SLC9C1: variants seen among roughly 807,000 people sequenced by gnomAD.
SLC9C1 encodes solute carrier family 9 member C1, also known as sodium/hydrogen exchanger 10.
A neutral mutation model predicts 140.9 loss-of-function variants in SLC9C1; 97 were observed. The ratio of observed to expected loss-of-function variants is 0.69; its 90% CI spans 0.58 to 0.82. SLC9C1 has a LOEUF of 0.82. Ranked by LOEUF, SLC9C1 falls within the 40% of genes least tolerant of loss-of-function variation. SLC9C1 has a pLI of 0.00. For synonymous variants in SLC9C1, 440 were observed against 442.6 expected, an observed-to-expected ratio of 0.99 and a Z score of 0.07; for missense variants, 1,340 against 1,389.3, an observed-to-expected ratio of 0.96 and a Z score of 0.56.
intron 27 of SLC9C1, among the ~76,000 whole-genome samples, chr3:112,152,313 G>A (rs556439247): frequency 6.6e-6 from 1 of 152,160 alleles, no homozygotes; most frequent in Non-Finnish European, 1.5e-5. Context: ...TTAAGGAAAG[G>A]TGCTGTGCCT....
chr3:112,274,443 G>C (rs1308459990), intron 6 of SLC9C1, among the ~76,000 whole-genome samples: 2 of 152,046 alleles, frequency 1.3e-5, no homozygotes, highest in Non-Finnish European at 2.9e-5. Flanking sequence ...ACTATTCTCT[G>C]GCCCTGTAGA....
intron 25 of SLC9C1, among the ~76,000 whole-genome samples, chr3:112,168,454 C>T (rs1010923220): frequency 9.9e-5 from 15 of 152,108 alleles, no homozygotes; most frequent in African/African-American, 3.4e-4. Context: ...AAGACATTCA[C>T]TTTCAAAGCA....
intron 13 of SLC9C1, among the ~76,000 whole-genome samples, chr3:112,229,476 C>T (rs181236800): frequency 1.3e-5 from 2 of 152,016 alleles, no homozygotes; most frequent in East Asian, 1.9e-4. Context: ...ATTAAAACAA[C>T]AGCAATAAAA....
chr3:112,293,067 G>A (rs1433946598), intron 1 of SLC9C1, among the ~76,000 whole-genome samples: 1 of 146,320 alleles, frequency 6.8e-6, no homozygotes, highest in Non-Finnish European at 1.5e-5. Flanking sequence ...TCAGGAGTTC[G>A]AGACTAGCCT....
At chr3:112,231,975 G>A (rs1208775153) in intron 12 of SLC9C1, among the ~76,000 whole-genome samples, 1 of 152,120 alleles carries the variant, frequency 6.6e-6, no homozygotes, top group Non-Finnish European at 1.5e-5. Flanking sequence ...GATACTTAAT[G>A]TAAAATAGAA....
rs2077984362 is a variant in SLC9C1, at chr3:112,204,288, A to G, written c.2102T>C (p.Ile701Thr). The change falls in exon 17 of 29, where the codon ATT becomes ACT. Residue 701 changes from isoleucine to threonine, a missense_variant. Physicochemically the swap from Ile to Thr is moderately conservative, Grantham distance 89 (BLOSUM62 -1). Coordinates refer to ENST00000305815, the MANE Select transcript of SLC9C1 (RefSeq NM_183061.3). ...ILIEIDTIKY[I>T]FNETEVIVFI... ...GACTATTACTTCAGTCTCATTAAAAATATACTTAATGGTGTCTATTTCAAT... is the reference window on the plus strand; with the variant it reads ...GACTATTACTTCAGTCTCATTAAAAGTATACTTAATGGTGTCTATTTCAAT... The G allele has an allele frequency of 6.4e-7, 1 of 1,555,996 alleles. No homozygotes were observed. The highest frequency in any genetic ancestry group is 1.4e-5 in the African/African-American group (1 of 71,298).
chr3:112,266,422 A>G, intron 7 of SLC9C1, 82 bp from the exon 8 acceptor site: 1 of 1,069,792 alleles, frequency 9.3e-7, no homozygotes, highest in Non-Finnish European at 1.3e-6. Context: ...AAAGTATCAG[A>G]TGTTGTGACA....
intron 1 of SLC9C1, among the ~76,000 whole-genome samples, chr3:112,293,573 A>G (rs1193470843): frequency 6.6e-6 from 1 of 152,162 alleles, no homozygotes; most frequent in Non-Finnish European, 1.5e-5. Context: ...CTCATGCTTA[A>G]TGGTTTATTT....
chr3:112,160,084 G>A (rs1333287855), intron 26 of SLC9C1, among the ~76,000 whole-genome samples: 1 of 151,088 alleles, frequency 6.6e-6, no homozygotes, highest in African/African-American at 2.4e-5. Flanking sequence ...TAATAGGTAG[G>A]GACTTACTAC....
chr3:112,180,944 C>T (rs1873713), intron 21 of SLC9C1, among the ~76,000 whole-genome samples: 4,306 of 152,186 alleles, frequency 0.028, 163 homozygotes, highest in East Asian at 0.16. Flanking sequence ...TTAGTAGATA[C>T]GGGGTTTCAC....
intron 20 of SLC9C1, among the ~76,000 whole-genome samples, chr3:112,195,419 T>C (rs2077748925): frequency 1.3e-5 from 2 of 152,156 alleles, no homozygotes; most frequent in African/African-American, 4.8e-5. Flanking sequence ...CTGTCTTTGA[T>C]TAGAGAGTTT....
intron 27 of SLC9C1, among the ~76,000 whole-genome samples, chr3:112,153,925 G>A (rs756166420): frequency 3.3e-4 from 50 of 152,320 alleles, no homozygotes; most frequent in Middle Eastern, 6.8e-3. Context: ...TTGGGAGACA[G>A]TGAACATCCT....
At chr3:112,242,676 G>A (rs993687341) in intron 11 of SLC9C1, among the ~76,000 whole-genome samples, 12 of 152,212 alleles carry the variant, frequency 7.9e-5, no homozygotes, top group African/African-American at 2.4e-4. Flanking sequence ...AACTAAAAGA[G>A]CACAATTGGA....
intron 10 of SLC9C1, among the ~76,000 whole-genome samples, chr3:112,256,377 C>T (rs1362993553): frequency 6.6e-6 from 1 of 152,084 alleles, no homozygotes; most frequent in Non-Finnish European, 1.5e-5. Context: ...AGCTAAGCCA[C>T]CACAATCAAG....
chr3:112,182,963 G>A (rs145964545), intron 20 of SLC9C1, among the ~76,000 whole-genome samples: 289 of 152,216 alleles, frequency 1.9e-3, no homozygotes, highest in Non-Finnish European at 3.3e-3. Context: ...TTTCATCGTT[G>A]TATAGTATTC....
At chr3:112,174,240 G>T (rs1489302828) in intron 23 of SLC9C1, among the ~76,000 whole-genome samples, 1 of 152,188 alleles carries the variant, frequency 6.6e-6, no homozygotes, top group African/African-American at 2.4e-5. Context: ...GTAAGTTGTT[G>T]CCCCTGGGGG....
intron 14 of SLC9C1, among the ~76,000 whole-genome samples, chr3:112,219,931 G>A (rs536297351): frequency 6.6e-6 from 1 of 152,020 alleles, no homozygotes; most frequent in Non-Finnish European, 1.5e-5. Flanking sequence ...TTTTTATTGT[G>A]TCATTTATTA....
At chr3:112,289,358 G>T (rs1327654985) in intron 1 of SLC9C1, among the ~76,000 whole-genome samples, 1 of 152,166 alleles carries the variant, frequency 6.6e-6, no homozygotes, top group Non-Finnish European at 1.5e-5. Context: ...GGAAGTGAGG[G>T]TTCACTTTAG....
rs767153680 is a variant in SLC9C1 at position 112,199,362 on chromosome 3, T to C, written c.2482A>G (p.Lys828Glu). 2 of 1,592,242 alleles carry C rather than the reference T, an allele frequency of 1.3e-6. No homozygotes were observed. The highest frequency in any genetic ancestry group is 4.5e-5 in the East Asian group (2 of 44,398). Residue 828 changes from lysine (K) to glutamate (E), a missense_variant, in exon 20 of 29, where the codon AAA (lysine) becomes GAA (glutamate). By Grantham distance (56) the Lys-to-Glu change is moderately conservative (BLOSUM62 1). Transcript: ENST00000305815. ...CCTTCAGTTTTACTAATAATTCCTT[T>C]TAAGCCAAAAGCCTTAAGAATTTCT... ...ATEILKAFGLKGIISKTEGAG... is the reference protein window; with the variant it reads ...ATEILKAFGLEGIISKTEGAG...
Sources: allele counts gnomAD v4.1 joint callset (sites outside exome capture counted in the v4.1 genomes callset), GRCh38; gene constraint gnomAD v4.1.1; transcripts MANE v1.5; gene names NCBI Gene and HGNC (gene_info 2026-07-23, HGNC 2026-07-21).